The following PTPN4 variants were observed in gnomAD, a reference collection of about 807,000 sequenced individuals.
The protein encoded by PTPN4 is protein tyrosine phosphatase non-receptor type 4.
Under a neutral mutation model 135.5 loss-of-function variants are expected in PTPN4, and 49 were observed. The observed-to-expected ratio is 0.36, with a 90% CI of 0.29 to 0.46. PTPN4 has a LOEUF of 0.46. PTPN4 is among the 20% of genes least tolerant of loss of function. The pLI is 1.00. For missense variants in PTPN4, 860 were observed against 1,101.0 expected (o/e 0.78, Z 3.10); for synonymous variants, 333 against 369.9 (o/e 0.90, Z 1.14).
chr2:119,960,639 T>C (rs1558775755), intron 22 of PTPN4, among the ~76,000 whole-genome samples, 168 bp from the exon 23 acceptor site: 1 of 152,242 alleles, frequency 6.6e-6, no homozygotes, highest in Non-Finnish European at 1.5e-5. Flanking sequence ...TGCCATGAAA[T>C]TTCTTCTACA....
chr2:119,945,286 A>G, intron 16 of PTPN4, 46 bp downstream of exon 16: 4 of 1,464,198 alleles, frequency 2.7e-6, no homozygotes, highest in Non-Finnish European at 3.6e-6. Context: ...GAATTTTTAA[A>G]ATCCTAAATG....
At chr2:119,832,221 T>G (rs1255669060) in intron 2 of PTPN4, among the ~76,000 whole-genome samples, 1 of 152,220 alleles carries the variant, frequency 6.6e-6, no homozygotes, top group Non-Finnish European at 1.5e-5. Flanking sequence ...GGTTTCACTT[T>G]GCTTTGGATC....
intron 1 of PTPN4, among the ~76,000 whole-genome samples, chr2:119,783,659 TATTAC>T (rs1690988034): frequency 6.6e-6 from 1 of 152,248 alleles, no homozygotes. Context: ...AGTACTACTC[TATTAC>T]TTTTGCCTGC....
chr2:119,903,556 GACAC>G (rs35324437), intron 10 of PTPN4, among the ~76,000 whole-genome samples: 19 of 147,690 alleles, frequency 1.3e-4, no homozygotes, highest in African/African-American at 3.5e-4. Context: ...TGCAGCTGCT[GACAC>G]ACACACACAC....
At chr2:119,827,172 A>G (rs958188658) in intron 2 of PTPN4, among the ~76,000 whole-genome samples, 1 of 152,224 alleles carries the variant, frequency 6.6e-6, no homozygotes, top group Admixed American at 6.5e-5. Context: ...GTGCGTTGTG[A>G]GAATACTTGA....
At chr2:119,931,645 G>GC (rs757097998) in intron 13 of PTPN4, among the ~76,000 whole-genome samples, 5 of 151,536 alleles carry the variant, frequency 3.3e-5, no homozygotes, top group Non-Finnish European at 5.9e-5. Flanking sequence ...TCCTTATGTT[G>GC]CCCAAGCTGG....
chr2:119,887,299 G>A (rs1026633811), intron 9 of PTPN4, among the ~76,000 whole-genome samples: 16 of 151,962 alleles, frequency 1.1e-4, no homozygotes, highest in Non-Finnish European at 1.9e-4. Context: ...GACCAGCCTG[G>A]GAAACATAAT....
At chr2:119,803,224 G>A (rs1366640467) in intron 1 of PTPN4, among the ~76,000 whole-genome samples, 1 of 151,920 alleles carries the variant, frequency 6.6e-6, no homozygotes, top group Non-Finnish European at 1.5e-5. Context: ...TGTTTGCTAT[G>A]AGTTCATTTA....
intron 2 of PTPN4, among the ~76,000 whole-genome samples, chr2:119,849,431 G>T (rs1172360103): frequency 6.6e-6 from 1 of 152,120 alleles, no homozygotes; most frequent in African/African-American, 2.4e-5. Context: ...CTCCTGAGTA[G>T]CTGGGATTAC....
intron 10 of PTPN4, among the ~76,000 whole-genome samples, chr2:119,912,619 T>C (rs888638545): frequency 3.9e-5 from 6 of 152,124 alleles, no homozygotes; most frequent in Non-Finnish European, 1.5e-5. Flanking sequence ...GCAAAAAAAA[T>C]TATGGTAGAG....
intron 15 of PTPN4, among the ~76,000 whole-genome samples, chr2:119,944,174 C>G (rs1274811776): frequency 6.6e-6 from 1 of 152,162 alleles, no homozygotes; most frequent in Non-Finnish European, 1.5e-5. Context: ...GCTGTCATCT[C>G]TCTTATACCT....
At chr2:119,864,364 A>G (rs1394922068) in intron 3 of PTPN4, among the ~76,000 whole-genome samples, 1 of 152,136 alleles carries the variant, frequency 6.6e-6, no homozygotes, top group Non-Finnish European at 1.5e-5. Flanking sequence ...TTCCTCAGAT[A>G]TAAGGTTTTT....
chr2:119,882,705 G>T (rs1206100622), intron 8 of PTPN4, 82 bp downstream of exon 8: 1 of 1,153,000 alleles, frequency 8.7e-7, no homozygotes, highest in Non-Finnish European at 1.2e-6. Flanking sequence ...TAATATGATG[G>T]CTGTATTTAA....
At chr2:119,784,236 C>T (rs1232955712) in intron 1 of PTPN4, among the ~76,000 whole-genome samples, 1 of 151,196 alleles carries the variant, frequency 6.6e-6, no homozygotes, top group African/African-American at 2.4e-5. Flanking sequence ...TCCCCCACCC[C>T]TCCTTCCCCA....
At chr2:119,810,141 A>G (rs1215643222) in intron 2 of PTPN4, 150 bp downstream of exon 2, 1 of 886,212 alleles carries the variant, frequency 1.1e-6, no homozygotes, top group Non-Finnish European at 1.6e-6. Context: ...TATTAGATGC[A>G]TGCTCTCATT....
chr2:119,918,965 T>C (rs2105027957), intron 11 of PTPN4, among the ~76,000 whole-genome samples: 1 of 152,338 alleles, frequency 6.6e-6, no homozygotes, highest in South Asian at 2.1e-4. Flanking sequence ...AAGCCAGACC[T>C]AAAGACACAT....
rs1214663155 is a variant in PTPN4, at chr2:119,977,731, A to G, written c.*661A>G. On this transcript the variant is annotated 3_prime_UTR_variant, in exon 27 of 27. Transcript: ENST00000263708. ...AAATTCTCTTGGATTTAATAATGTAACTTATATTTATCATAAGGTTGGCTT... is the reference window on the plus strand; with the variant it reads ...AAATTCTCTTGGATTTAATAATGTAGCTTATATTTATCATAAGGTTGGCTT... The G allele has an allele frequency of 6.6e-6, 1 of 152,150 alleles. No homozygotes were observed. Among genetic ancestry groups the G allele is most frequent in the Non-Finnish European group, 1.5e-5 (1 of 68,032 alleles). The allele number at this position is 152,150 out of a possible 1,614,324, so 9.4% of individuals were successfully genotyped here. A position where few individuals can be genotyped will look rare whatever the true frequency, so the allele number is the denominator to read the frequency against.
chr2:119,887,277 C>T (rs1385224716), intron 9 of PTPN4, among the ~76,000 whole-genome samples: 1 of 151,994 alleles, frequency 6.6e-6, no homozygotes, highest in African/African-American at 2.4e-5. Context: ...TTGTGTAAGC[C>T]CAGGTGTTCA....
At chr2:119,846,162 G>A (rs1440361941) in intron 2 of PTPN4, among the ~76,000 whole-genome samples, 1 of 152,296 alleles carries the variant, frequency 6.6e-6, no homozygotes, top group Non-Finnish European at 1.5e-5. Flanking sequence ...TGCCCATTCT[G>A]CTATTGTTGG....
Sources: gnomAD v4.1 joint callset for allele counts (sites outside exome capture counted in the v4.1 genomes callset) on GRCh38, gnomAD v4.1.1 for gene constraint, MANE v1.5 for transcripts, NCBI Gene and HGNC (gene_info 2026-07-23, HGNC 2026-07-21) for gene names.